AGBL1: variants seen among roughly 807,000 people sequenced by gnomAD.
The protein encoded by AGBL1 is cytosolic carboxypeptidase 4.
In AGBL1, 130 loss-of-function variants were observed where a neutral mutation model predicts 118.9. That is an observed-to-expected ratio of 1.09 (90% confidence interval 0.95 to 1.26). The LOEUF (loss-of-function observed/expected upper bound fraction) is 1.26, where lower values mean the gene tolerates loss of function less well. AGBL1 is among the 50% of genes most tolerant of loss of function. The pLI is 0.00. For missense variants in AGBL1, 1,584 were observed against 1,298.1 expected, an observed-to-expected ratio of 1.22 and a Z score of -3.38; for synonymous variants, 555 against 478.9, an observed-to-expected ratio of 1.16 and a Z score of -2.08.
At chr15:86,527,821 C>T (rs1487922872) in intron 19 of AGBL1, among the ~76,000 whole-genome samples, 2 of 152,146 alleles carry the variant, frequency 1.3e-5, no homozygotes, top group Admixed American at 6.5e-5. Flanking sequence ...GAGCGTTGAG[C>T]ATTGCTAAAT....
chr15:86,210,823 C>G (rs181457845), intron 5 of AGBL1, among the ~76,000 whole-genome samples: 1 of 152,154 alleles, frequency 6.6e-6, no homozygotes, highest in Non-Finnish European at 1.5e-5. Flanking sequence ...TCTGTGAGCT[C>G]GTCAGTGTCA....
Position 86,220,115 on chromosome 15 carries a change from C to G in AGBL1, c.489-4799C>G, listed in dbSNP as rs74913828. On this transcript the variant is annotated intron_variant, in intron 5 of 22. Coordinates refer to ENST00000614907, the MANE Select transcript of AGBL1 (RefSeq NM_001386094.1). ...TACAGGGGCCTGCCACCATGCCCAG[C>G]TAATTTTTTGTAGTTTTTAGTAGAG... Among the ~76,000 whole-genome samples, 1,367 of 152,092 alleles carry G rather than the reference C, an allele frequency of 9.0e-3. 18 individuals are homozygous for G. Among genetic ancestry groups the G allele is most frequent in the African/African-American group, 0.032 (1,312 of 41,516 alleles).
chr15:86,721,952 A>T (rs2086728720), intron 22 of AGBL1, among the ~76,000 whole-genome samples: 1 of 152,186 alleles, frequency 6.6e-6, no homozygotes, highest in Non-Finnish European at 1.5e-5. Flanking sequence ...CTTACAAGGG[A>T]TGTGAAGGAC....
intron 5 of AGBL1, among the ~76,000 whole-genome samples, chr15:86,187,424 A>G (rs1485574113): frequency 6.6e-6 from 1 of 152,178 alleles, no homozygotes; most frequent in Non-Finnish European, 1.5e-5. Context: ...TTGAAAGAAG[A>G]TGTATTGAAA....
At chr15:86,347,663 T>C (rs2080559927) in intron 17 of AGBL1, among the ~76,000 whole-genome samples, 1 of 152,232 alleles carries the variant, frequency 6.6e-6, no homozygotes, top group Non-Finnish European at 1.5e-5. Context: ...GCTCTGAATA[T>C]GTTTTACAAA....
chr15:86,100,402 C>A (rs1044300816), intron 1 of AGBL1, among the ~76,000 whole-genome samples: 1 of 151,976 alleles, frequency 6.6e-6, no homozygotes, highest in East Asian at 1.9e-4. Context: ...GAGAAGAACT[C>A]GTGTTGTTAG....
chr15:86,817,648 G>GAC (rs199984645), intron 22 of AGBL1, among the ~76,000 whole-genome samples: 1,908 of 144,340 alleles, frequency 0.013, 28 homozygotes, highest in Middle Eastern at 0.041. Flanking sequence ...CACACACACA[G>GAC]ACACACACAC....
At chr15:86,307,498 G>A (rs1388392532) in intron 17 of AGBL1, among the ~76,000 whole-genome samples, 1 of 152,020 alleles carries the variant, frequency 6.6e-6, no homozygotes, top group Non-Finnish European at 1.5e-5. Context: ...TAAGCATAAT[G>A]TGTTAGGAAA....
chr15:86,969,257 A>T (rs75794449), intron 23 of AGBL1, among the ~76,000 whole-genome samples: 2,182 of 152,072 alleles, frequency 0.014, 52 homozygotes, highest in African/African-American at 0.05. Flanking sequence ...GTGAAATCAA[A>T]CAAGTTATGT....
chr15:86,626,681 T>TC (rs2084891341), intron 21 of AGBL1, among the ~76,000 whole-genome samples: 1 of 152,168 alleles, frequency 6.6e-6, no homozygotes, highest in Non-Finnish European at 1.5e-5. Context: ...AAGAAAGGGT[T>TC]ACATTTGGAG....
At chr15:86,508,097 T>G (rs1167562745) in intron 18 of AGBL1, among the ~76,000 whole-genome samples, 1 of 151,536 alleles carries the variant, frequency 6.6e-6, no homozygotes, top group Non-Finnish European at 1.5e-5. Context: ...ATTTTTTTTG[T>G]ATTTTTAGTA....
At chr15:86,080,349 TC>T (rs1895183069) in intron 1 of AGBL1, 1 of 209,408 alleles carries the variant, frequency 4.8e-6, no homozygotes, top group Non-Finnish European at 9.5e-6. Context: ...CTGTTGAGGC[TC>T]CTCCTGAATA....
intron 18 of AGBL1, among the ~76,000 whole-genome samples, chr15:86,453,952 G>C (rs2082229678): frequency 6.6e-6 from 1 of 152,076 alleles, no homozygotes. Context: ...TTTCCACCTT[G>C]GTCACTGACA....
At chr15:86,172,276 G>A (rs1163487683) in intron 5 of AGBL1, among the ~76,000 whole-genome samples, 2 of 152,138 alleles carry the variant, frequency 1.3e-5, no homozygotes, top group Non-Finnish European at 2.9e-5. Context: ...GAGCACATGT[G>A]ATATTTTGAT....
At chr15:86,827,777 C>G (rs929761716) in intron 22 of AGBL1, among the ~76,000 whole-genome samples, 1 of 148,224 alleles carries the variant, frequency 6.7e-6, no homozygotes, top group African/African-American at 2.5e-5. Context: ...GGTCCTCTTC[C>G]TTTCTCCCAT....
chr15:86,267,617 T>G (rs1234704357), intron 13 of AGBL1, among the ~76,000 whole-genome samples: 1 of 152,160 alleles, frequency 6.6e-6, no homozygotes, highest in African/African-American at 2.4e-5. Flanking sequence ...AACCTACAGA[T>G]GAGCTCTCAG....
intron 18 of AGBL1, among the ~76,000 whole-genome samples, chr15:86,433,274 T>C (rs1488638155): frequency 1.0e-5 from 1 of 95,340 alleles, no homozygotes; most frequent in Admixed American, 1.2e-4. Flanking sequence ...TTCTTTTTTT[T>C]TTTTTTTTTT....
chr15:86,656,170 T>C (rs2085459542), intron 21 of AGBL1, among the ~76,000 whole-genome samples: 1 of 152,216 alleles, frequency 6.6e-6, no homozygotes, highest in South Asian at 2.1e-4. Flanking sequence ...AGGAAAGTTG[T>C]GATTTATAGG....
intron 24 of AGBL1, among the ~76,000 whole-genome samples, chr15:87,014,422 A>G (rs2081590279): frequency 6.6e-6 from 1 of 152,226 alleles, no homozygotes; most frequent in Non-Finnish European, 1.5e-5. Context: ...AATTATTTCC[A>G]AGACACAAGT....
Sources: gnomAD v4.1 joint callset for allele counts (sites outside exome capture counted in the v4.1 genomes callset) on GRCh38, gnomAD v4.1.1 for gene constraint, MANE v1.5 for transcripts, NCBI Gene and HGNC (gene_info 2026-07-23, HGNC 2026-07-21) for gene names.